ERBB4: variants seen among roughly 807,000 people sequenced by gnomAD.
ERBB4 encodes erb-b2 receptor tyrosine kinase 4.
A neutral mutation model predicts 158.0 loss-of-function variants in ERBB4; 42 were observed. The observed-to-expected ratio is 0.27, with a 90% CI of 0.21 to 0.34. The LOEUF (loss-of-function observed/expected upper bound fraction) is 0.34, where lower values mean the gene tolerates loss of function less well. ERBB4 is among the 10% of genes least tolerant of loss of function. ERBB4 has a pLI of 1.00. For synonymous variants in ERBB4, 583 were observed against 558.7 expected (o/e 1.04, Z -0.61); for missense variants, 1,333 against 1,624.1 (o/e 0.82, Z 3.08).
intron 20 of ERBB4, among the ~76,000 whole-genome samples, chr2:211,511,132 T>C (rs2065874592): frequency 6.6e-6 from 1 of 152,034 alleles, no homozygotes; most frequent in African/African-American, 2.4e-5. Flanking sequence ...TATATTAAAC[T>C]GCCTACTTAA....
intron 19 of ERBB4, among the ~76,000 whole-genome samples, chr2:211,611,448 A>ACTTTTGCTTTCGCTTTAT (rs1559347126): frequency 1.7e-4 from 2 of 12,010 alleles, no homozygotes; most frequent in African/African-American, 4.8e-4. Flanking sequence ...TTTCGCTTTA[A>ACTTTTGCTTTCGCTTTAT]TGAGTCTTGC....
At chr2:211,410,275 A>G (rs187718380) in intron 25 of ERBB4, among the ~76,000 whole-genome samples, 1 of 152,270 alleles carries the variant, frequency 6.6e-6, no homozygotes, top group Non-Finnish European at 1.5e-5. Context: ...CTTTTCCCGA[A>G]TTGGAGGTCA....
intron 20 of ERBB4, among the ~76,000 whole-genome samples, chr2:211,436,730 A>G (rs1028610370): frequency 1.3e-5 from 2 of 152,210 alleles, no homozygotes; most frequent in Admixed American, 1.3e-4. Flanking sequence ...GATGATACAT[A>G]TACTTATAAC....
chr2:211,870,410 T>A (rs2078315421), intron 3 of ERBB4, among the ~76,000 whole-genome samples: 1 of 152,122 alleles, frequency 6.6e-6, no homozygotes, highest in South Asian at 2.1e-4. Flanking sequence ...TTGTTATTAA[T>A]AGGTATTTAT....
intron 1 of ERBB4, among the ~76,000 whole-genome samples, chr2:212,426,589 C>T (rs1441354875): frequency 1.3e-5 from 2 of 152,132 alleles, no homozygotes; most frequent in South Asian, 2.1e-4. Flanking sequence ...ATGAAAGTTC[C>T]TCAAGGTTCC....
intron 19 of ERBB4, among the ~76,000 whole-genome samples, chr2:211,580,264 T>C (rs1273055868): frequency 2.6e-5 from 4 of 151,876 alleles, no homozygotes; most frequent in East Asian, 3.9e-4. Flanking sequence ...AGGACAAATA[T>C]CCAGAATCTG....
rs115198144 is a variant in ERBB4, at chr2:211,418,992, C to A, written c.3135+1449G>T. On this transcript the variant is annotated intron_variant, in intron 25 of 27. Coordinates refer to ENST00000342788, the MANE Select transcript of ERBB4 (RefSeq NM_005235.3). ...TCTCCATCTTTGTCTCTTTCCATAT[C>A]AGATCTTCTAAATGGAGGTAGATGA... Among the ~76,000 whole-genome samples, 558 of 152,218 alleles carry A rather than the reference C, an allele frequency of 3.7e-3. 5 individuals carry two copies. Among genetic ancestry groups the A allele is most frequent in the African/African-American group, 0.013 (541 of 41,566 alleles).
At chr2:211,949,647 T>C (rs1008029348) in intron 2 of ERBB4, among the ~76,000 whole-genome samples, 2 of 152,200 alleles carry the variant, frequency 1.3e-5, no homozygotes, top group Non-Finnish European at 2.9e-5. Context: ...TCAGTTCTCT[T>C]TCACATGAAA....
chr2:212,472,596 AT>A (rs1234711129), intron 1 of ERBB4, among the ~76,000 whole-genome samples: 2 of 151,868 alleles, frequency 1.3e-5, no homozygotes, highest in Non-Finnish European at 2.9e-5. Flanking sequence ...TAGAAAGTAT[AT>A]AATTGGAAAG....
chr2:211,834,460 GT>G (rs2077293469), intron 3 of ERBB4, among the ~76,000 whole-genome samples: 1 of 148,832 alleles, frequency 6.7e-6, no homozygotes. Context: ...GTAAATTTTT[GT>G]TTTATCAACA....
chr2:212,283,304 C>A (rs2085829308), intron 1 of ERBB4, among the ~76,000 whole-genome samples: 1 of 151,964 alleles, frequency 6.6e-6, no homozygotes, highest in African/African-American at 2.4e-5. Context: ...TGGCAACAGT[C>A]TCTCATAAAG....
At chr2:212,264,521 C>A (rs1468636679) in intron 1 of ERBB4, among the ~76,000 whole-genome samples, 1 of 152,072 alleles carries the variant, frequency 6.6e-6, no homozygotes, top group East Asian at 1.9e-4. Flanking sequence ...GTGTACCTAG[C>A]AAACTTCCTG....
At chr2:211,620,647 T>C (rs1279238624) in intron 18 of ERBB4, among the ~76,000 whole-genome samples, 1 of 151,658 alleles carries the variant, frequency 6.6e-6, no homozygotes, top group Non-Finnish European at 1.5e-5. Context: ...AAAAAGAAAA[T>C]AAAGCAGAAA....
At chr2:212,309,864 A>T (rs950896132) in intron 1 of ERBB4, among the ~76,000 whole-genome samples, 3 of 150,490 alleles carry the variant, frequency 2.0e-5, no homozygotes, top group African/African-American at 7.3e-5. Flanking sequence ...ACTGTATTCT[A>T]TTTAAACTCA....
intron 20 of ERBB4, among the ~76,000 whole-genome samples, chr2:211,471,622 G>A (rs954239261): frequency 6.6e-6 from 1 of 152,120 alleles, no homozygotes; most frequent in African/African-American, 2.4e-5. Context: ...TTGATGTCAA[G>A]TGTGGCTAAT....
chr2:212,248,460 A>G (rs2084394593), intron 1 of ERBB4, among the ~76,000 whole-genome samples: 1 of 152,174 alleles, frequency 6.6e-6, no homozygotes, highest in African/African-American at 2.4e-5. Context: ...TATACTGTCA[A>G]TGATAAAACT....
intron 1 of ERBB4, among the ~76,000 whole-genome samples, chr2:212,186,968 C>G (rs1363443222): frequency 6.6e-6 from 1 of 151,980 alleles, no homozygotes; most frequent in Non-Finnish European, 1.5e-5. Flanking sequence ...TGAAGTAGAA[C>G]ACTTCTCCCT....
chr2:212,355,754 A>G (rs746285847), intron 1 of ERBB4, among the ~76,000 whole-genome samples: 6 of 151,962 alleles, frequency 3.9e-5, no homozygotes, highest in African/African-American at 7.2e-5. Context: ...TGATAGATAT[A>G]TATGCATGTG....
At chr2:212,154,339 T>G (rs1173742471) in intron 1 of ERBB4, among the ~76,000 whole-genome samples, 3 of 152,286 alleles carry the variant, frequency 2.0e-5, no homozygotes, top group African/African-American at 7.2e-5. Flanking sequence ...AGGAAATTAT[T>G]GATTTTTCTA....
Sources: allele counts gnomAD v4.1 joint callset (sites outside exome capture counted in the v4.1 genomes callset), GRCh38; gene constraint gnomAD v4.1.1; transcripts MANE v1.5; gene names NCBI Gene and HGNC (gene_info 2026-07-23, HGNC 2026-07-21).